IFT80: variants seen among roughly 807,000 people sequenced by gnomAD.
IFT80 encodes intraflagellar transport 80, also known as intraflagellar transport protein 80 homolog.
IFT80 carries 79 observed loss-of-function variants against 107.9 expected under a neutral mutation model. The observed-to-expected ratio is 0.73, with a 90% CI of 0.61 to 0.88. The LOEUF is 0.88. Among genes scored for constraint, IFT80 ranks in the 40% least tolerant of loss-of-function variants. The probability of loss-of-function intolerance (pLI) is 0.00; values close to 1 mark genes in which losing one functional copy is unlikely to be tolerated. For synonymous variants in IFT80, 299 were observed against 300.9 expected (o/e 0.99, Z 0.07); for missense variants, 797 against 914.2 (o/e 0.87, Z 1.65).
intron 8 of IFT80, among the ~76,000 whole-genome samples, chr3:160,327,296 G>A (rs1718741328): frequency 1.3e-5 from 2 of 152,032 alleles, no homozygotes; most frequent in Admixed American, 1.3e-4. Context: ...AACTACCATT[G>A]ATATTCTTCA....
chr3:160,311,147 G>A (rs1039778281), intron 9 of IFT80, among the ~76,000 whole-genome samples: 3 of 151,814 alleles, frequency 2.0e-5, no homozygotes, highest in Non-Finnish European at 2.9e-5. Flanking sequence ...ACATAAATAA[G>A]TAAATAAAAA....
At chr3:160,362,265 T>C (rs1721546120) in intron 6 of IFT80, among the ~76,000 whole-genome samples, 1 of 152,098 alleles carries the variant, frequency 6.6e-6, no homozygotes, top group Admixed American at 6.5e-5. Flanking sequence ...GCAAATAAAA[T>C]AGAAAATCTA....
Position 160,368,975 on chromosome 3 carries a change from G to A in IFT80, c.440-2823C>T, listed in dbSNP as rs553229988. On this transcript the variant is annotated intron_variant, in intron 5 of 19. Transcript: ENST00000326448. ...GGCTTTAGTTGTGGTAAAAGGCACG[G>A]TTGGGGTACAGAATGAGGAACTAAG... Among the ~76,000 whole-genome samples the A allele has an allele frequency of 3.6e-4, 55 of 152,030 alleles. No individual in the cohort carries two copies. In the South Asian group the frequency reaches 0.011, roughly 30 times the overall value.
At chr3:160,369,221 G>A (rs1722069754) in intron 5 of IFT80, among the ~76,000 whole-genome samples, 1 of 151,824 alleles carries the variant, frequency 6.6e-6, no homozygotes, top group South Asian at 2.1e-4. Flanking sequence ...TAAAGAAAAA[G>A]TTAAGTAATT....
At chr3:160,318,236 AAAAT>A (rs1398189309) in intron 9 of IFT80, among the ~76,000 whole-genome samples, 3 of 151,716 alleles carry the variant, frequency 2.0e-5, no homozygotes, top group Admixed American at 2.0e-4. Flanking sequence ...TTATAATTTT[AAAAT>A]AAATAAACAG....
chr3:160,268,213 T>G (rs1713499189), intron 19 of IFT80, among the ~76,000 whole-genome samples, 200 bp downstream of exon 19: 1 of 152,158 alleles, frequency 6.6e-6, no homozygotes, highest in African/African-American at 2.4e-5. Flanking sequence ...CTTGAGTTAA[T>G]CAAAATATGC....
At chr3:160,349,711 A>G (rs368907054) in intron 8 of IFT80, among the ~76,000 whole-genome samples, 2 of 152,346 alleles carry the variant, frequency 1.3e-5, no homozygotes, top group African/African-American at 2.4e-5. Context: ...TCAAGAAAAC[A>G]TGTACTTTTT....
At chr3:160,271,180 A>T (rs550836642) in intron 18 of IFT80, among the ~76,000 whole-genome samples, 2 of 152,164 alleles carry the variant, frequency 1.3e-5, no homozygotes, top group South Asian at 4.2e-4. Flanking sequence ...CATACTGGGT[A>T]AAAAAATGTT....
At position 160,351,306 on chromosome 3, in the gene IFT80, A is replaced by C. The variant is rs569766408; in HGVS notation, c.777+4707T>G. ...CATTTTTAATAACAATATAATAATTAATTATAAGAATTATATTCCATAATT... is the reference window on the plus strand; with the variant it reads ...CATTTTTAATAACAATATAATAATTCATTATAAGAATTATATTCCATAATT... On this transcript the variant is annotated intron_variant, in intron 8 of 19. Coordinates refer to ENST00000326448, the MANE Select transcript of IFT80 (RefSeq NM_020800.3). Among the ~76,000 whole-genome samples the C allele has an allele frequency of 1.1e-4, 17 of 149,980 alleles. No homozygotes were observed. In the South Asian group the frequency reaches 3.3e-3, roughly 29 times the overall value.
intron 19 of IFT80, among the ~76,000 whole-genome samples, chr3:160,264,528 T>C (rs1290392684): frequency 6.6e-6 from 1 of 151,904 alleles, no homozygotes; most frequent in Non-Finnish European, 1.5e-5. Context: ...GCTCAAGTGA[T>C]TCTCCCACCT....
chr3:160,282,351 G>A, intron 14 of IFT80, 127 bp downstream of exon 14: 1 of 677,926 alleles, frequency 1.5e-6, no homozygotes, highest in Admixed American at 3.2e-5. Context: ...TAAAAAAAGG[G>A]TTAAATAGCT....
intron 12 of IFT80, among the ~76,000 whole-genome samples, chr3:160,297,437 G>A (rs1716070497): frequency 6.6e-6 from 1 of 152,060 alleles, no homozygotes; most frequent in East Asian, 1.9e-4. Flanking sequence ...AAAAAAATTG[G>A]ACAACATATA....
At chr3:160,319,614 G>T in intron 9 of IFT80, 146 bp downstream of exon 9, 2 of 717,710 alleles carry the variant, frequency 2.8e-6, no homozygotes, top group South Asian at 1.9e-5. Flanking sequence ...CAGAGAAAGT[G>T]ACTAATGGAA....
chr3:160,368,818 C>G (rs1454094687), intron 5 of IFT80, among the ~76,000 whole-genome samples: 4 of 151,796 alleles, frequency 2.6e-5, no homozygotes, highest in African/African-American at 9.7e-5. Context: ...TATAGCCTAT[C>G]AAATCTTCAT....
Position 160,290,411 on chromosome 3 carries a change from CAGAAAAAAAAAA to C in IFT80, c.1316-4555_1316-4544del, listed in dbSNP as rs1332131513. 8.2e-3 allele frequency among the ~76,000 whole-genome samples: 477 copies of C among 58,066 alleles called. 1 individual carries two copies. Among genetic ancestry groups the C allele is most frequent in the African/African-American group, 0.029 (443 of 15,054 alleles). 38.1% of individuals were successfully genotyped at this position (58,066 alleles called of 152,430 possible). On this transcript the variant is annotated intron_variant, in intron 12 of 19. Coordinates refer to ENST00000326448, the MANE Select transcript of IFT80 (RefSeq NM_020800.3). Reference sequence around the variant, plus strand: ...CAACAGCGCGAGACTGTCTCAAAAACAGAAAAAAAAAAAGAAAAAAAAAAAAGAAAAAAGAAA... The same window carrying C: ...CAACAGCGCGAGACTGTCTCAAAAACAGAAAAAAAAAAAAGAAAAAAGAAA...
At chr3:160,277,220 T>C in intron 18 of IFT80, 86 bp downstream of exon 18, 3 of 1,137,296 alleles carry the variant, frequency 2.6e-6, no homozygotes, top group South Asian at 2.5e-5. Context: ...TAAAATATAG[T>C]GGAAAATGTA....
chr3:160,281,316 A>G (rs1180753448), intron 14 of IFT80, among the ~76,000 whole-genome samples: 1 of 152,212 alleles, frequency 6.6e-6, no homozygotes, highest in Non-Finnish European at 1.5e-5. Context: ...CAAGATCCAC[A>G]GAATAACCAC....
At chr3:160,373,149 C>T (rs1237892528) in intron 5 of IFT80, among the ~76,000 whole-genome samples, 1 of 152,086 alleles carries the variant, frequency 6.6e-6, no homozygotes, top group Non-Finnish European at 1.5e-5. Context: ...CTCAAGTGAT[C>T]CACCCATCTT....
intron 1 of IFT80, among the ~76,000 whole-genome samples, chr3:160,395,878 C>T (rs1713736105): frequency 6.6e-6 from 1 of 152,146 alleles, no homozygotes; most frequent in Non-Finnish European, 1.5e-5. Flanking sequence ...CACTTGTAAT[C>T]AACAGGCTCC....
Sources: allele counts gnomAD v4.1 joint callset (sites outside exome capture counted in the v4.1 genomes callset), GRCh38; gene constraint gnomAD v4.1.1; transcripts MANE v1.5; gene names NCBI Gene and HGNC (gene_info 2026-07-23, HGNC 2026-07-21).